Variants in CHRAC1 observed in about 807,000 individuals in gnomAD.
CHRAC1 encodes chromatin accessibility complex subunit 1.
Under a neutral mutation model 9.1 loss-of-function variants are expected in CHRAC1, and 6 were observed. That is an observed-to-expected ratio of 0.66 (90% CI 0.36 to 1.29). The LOEUF (loss-of-function observed/expected upper bound fraction) is 1.29. CHRAC1 is among the 50% of genes most tolerant of loss of function. CHRAC1 has a pLI of 0.03. For missense variants in CHRAC1, 168 were observed against 163.5 expected (o/e 1.03, Z -0.15); for synonymous variants, 73 against 64.5 (o/e 1.13, Z -0.63).
chr8:140,515,845 T>G lies in CHRAC1; in HGVS notation c.*598T>G, dbSNP rs1219488157. On this transcript the variant is annotated 3_prime_UTR_variant, in exon 3 of 3. Transcript: ENST00000220913. Reference sequence around the variant, plus strand: ...AGAGCCCTCTATGGCTTTAAGGCCTTGCTTACTGCCTGCAAATTTTGAGAA... The same window carrying G: ...AGAGCCCTCTATGGCTTTAAGGCCTGGCTTACTGCCTGCAAATTTTGAGAA... 1 of 152,244 alleles carries G rather than the reference T, an allele frequency of 6.6e-6. No individual in the cohort carries two copies. Among genetic ancestry groups the G allele is most frequent in the Non-Finnish European group, 1.5e-5 (1 of 68,044 alleles). 9.4% of individuals were successfully genotyped at this position (152,244 alleles called of 1,614,324 possible).
rs905739857 is a variant in CHRAC1, at chr8:140,511,369, C to T, written c.-131C>T. The T allele has an allele frequency of 7.7e-5, 62 of 807,160 alleles. No homozygotes were observed. Among genetic ancestry groups the T allele is most frequent in the Non-Finnish European group, 1.0e-4 (61 of 594,270 alleles). 50.0% of individuals were successfully genotyped at this position (807,160 alleles called of 1,614,324 possible). ...GGACGGGCCGCTCCCGGCCTCGCGG[C>T]CTCGCCTCCCCACACTACAACTCCC... On this transcript the variant is annotated 5_prime_UTR_variant, in exon 1 of 3. Coordinates refer to ENST00000220913, the MANE Select transcript of CHRAC1 (RefSeq NM_017444.6).
At chr8:140,511,796 G>A in intron 1 of CHRAC1, 150 bp downstream of exon 1, 1 of 864,436 alleles carries the variant, frequency 1.2e-6, no homozygotes, top group Non-Finnish European at 1.7e-6. Flanking sequence ...TCCCACGCCG[G>A]CGCGCGCTTC....
rs1024963085 is a variant in CHRAC1, at chr8:140,516,986, A to G, written c.*1739A>G. 6.6e-6 allele frequency: 1 copy of G among 152,222 alleles called. No individual in the cohort carries two copies. 9.4% of individuals were successfully genotyped at this position (152,222 alleles called of 1,614,324 possible). A position where few individuals can be genotyped will look rare whatever the true frequency, so the allele number is the denominator to read the frequency against. ...ACGAAAGCAGCCAGGTAATTACTAG[A>G]TGAAGGAATGCAGGTGGCTGTGTTT... On this transcript the variant is annotated 3_prime_UTR_variant, in exon 3 of 3. Coordinates refer to ENST00000220913, the MANE Select transcript of CHRAC1 (RefSeq NM_017444.6).
In CHRAC1 at chr8:140,511,595, C is replaced by G; in HGVS notation, c.96C>G (p.Pro32=). The change falls in exon 1 of 3, where the codon CCC becomes CCG. Residue 32 remains proline, a synonymous_variant. Coordinates refer to ENST00000220913, the MANE Select transcript of CHRAC1 (RefSeq NM_017444.6). ...SRIRVIMKSS[P]EVSSINQEAL... The stretch of plus-strand genomic sequence containing the variant: ...TCCGGGTCATCATGAAGAGCTCCCC[C>G]GAGGTGTCCAGCATCAACCAGGAGG... The G allele has an allele frequency of 6.7e-7, 1 of 1,490,000 alleles. No individual in the cohort carries two copies. Among genetic ancestry groups the G allele is most frequent in the Non-Finnish European group, 9.0e-7 (1 of 1,114,322 alleles). 92.3% of individuals were successfully genotyped at this position (1,490,000 alleles called of 1,614,324 possible).
intron 1 of CHRAC1, among the ~76,000 whole-genome samples, chr8:140,512,464 G>T (rs545821336): frequency 1.3e-5 from 2 of 152,340 alleles, no homozygotes; most frequent in East Asian, 3.9e-4. Flanking sequence ...ATCCTCCTGG[G>T]TGCAAAATAG....
At chr8:140,511,971 C>T (rs2072280841) in intron 1 of CHRAC1, 3 of 1,296,160 alleles carry the variant, frequency 2.3e-6, no homozygotes, top group Non-Finnish European at 3.0e-6. Flanking sequence ...CACCTTCGCC[C>T]CGCCCACCCC....
intron 1 of CHRAC1, chr8:140,511,926 C>T (rs897586091): frequency 4.9e-6 from 6 of 1,225,558 alleles, no homozygotes; most frequent in African/African-American, 3.1e-5. Context: ...CCTTTGTCGC[C>T]TTCCTTCGCT....
chr8:140,513,654 C>T (rs930724936), intron 1 of CHRAC1, among the ~76,000 whole-genome samples: 2 of 151,664 alleles, frequency 1.3e-5, no homozygotes, highest in African/African-American at 4.8e-5. Flanking sequence ...ACCGTGTTAG[C>T]CAGGATGGTC....
intron 1 of CHRAC1, among the ~76,000 whole-genome samples, chr8:140,512,345 T>C (rs2072287187): frequency 6.6e-6 from 1 of 152,212 alleles, no homozygotes; most frequent in Admixed American, 6.5e-5. Flanking sequence ...TCCGAGGCTT[T>C]CGAGCCCTCC....
In CHRAC1 at chr8:140,515,488, G is replaced by T; in HGVS notation, c.*241G>T. On this transcript the variant is annotated 3_prime_UTR_variant, in exon 3 of 3. Coordinates refer to ENST00000220913, the MANE Select transcript of CHRAC1 (RefSeq NM_017444.6). The stretch of plus-strand genomic sequence containing the variant: ...CCCTCCTCGACAGGCCCACCCTGCA[G>T]CTCAGGCACCAAGAAAACAGCCGAT... The T allele has an allele frequency of 3.2e-6, 1 of 311,420 alleles. No homozygotes were observed. The highest frequency in any genetic ancestry group is 1.0e-4 in the South Asian group (1 of 9,586). 19.3% of individuals were successfully genotyped at this position (311,420 alleles called of 1,614,324 possible). A position where few individuals can be genotyped will look rare whatever the true frequency, so the allele number is the denominator to read the frequency against.
chr8:140,513,474 C>T lies in CHRAC1; in HGVS notation c.148-895C>T, dbSNP rs964290494. ...TTTTTGAGACGGAGTCTCGCTCTGT[C>T]GCCCAGGCTGGAGTGCAGTGGCGCG... is the stretch of plus-strand genomic sequence containing the variant. On this transcript the variant is annotated intron_variant, in intron 1 of 2. Transcript: ENST00000220913. Among the ~76,000 whole-genome samples, 12 of 151,708 alleles carry T rather than the reference C, an allele frequency of 7.9e-5. No homozygotes were observed. The East Asian group carries it at 2.1e-3, about 27-fold the overall frequency.
Position 140,516,354 on chromosome 8 carries a change from G to T in CHRAC1, c.*1107G>T, listed in dbSNP as rs2072337384. On this transcript the variant is annotated 3_prime_UTR_variant, in exon 3 of 3. Transcript: ENST00000220913. ...AGTAGAGACGGGGTTCACCATGTTG[G>T]CCAGGCTTGTCTCAAACTCCTAACC... is the stretch of plus-strand genomic sequence containing the variant. 1 of 151,688 alleles carries T rather than the reference G, an allele frequency of 6.6e-6. No homozygotes were observed. Among genetic ancestry groups the T allele is most frequent in the Non-Finnish European group, 1.5e-5 (1 of 67,962 alleles). 9.4% of individuals were successfully genotyped at this position (151,688 alleles called of 1,614,324 possible).
At chr8:140,514,014 C>T (rs1397011069) in intron 1 of CHRAC1, among the ~76,000 whole-genome samples, 2 of 143,330 alleles carry the variant, frequency 1.4e-5, no homozygotes, top group South Asian at 2.2e-4. Context: ...TCAGGCGATT[C>T]GCCTGCCTCA....
At chr8:140,512,337 C>T (rs1481829395) in intron 1 of CHRAC1, among the ~76,000 whole-genome samples, 1 of 152,138 alleles carries the variant, frequency 6.6e-6, no homozygotes, top group African/African-American at 2.4e-5. Flanking sequence ...TCCAGCGGTC[C>T]GAGGCTTTCG....
chr8:140,513,575 A>G (rs1024920796), intron 1 of CHRAC1, among the ~76,000 whole-genome samples: 2 of 151,310 alleles, frequency 1.3e-5, no homozygotes, highest in African/African-American at 4.9e-5. Flanking sequence ...AGCTGGGACT[A>G]CAGCCGCCAC....
rs747880170 is a variant in CHRAC1 at position 140,514,496 on chromosome 8, G to A, written c.274+1G>A. The A allele has an allele frequency of 1.3e-6, 2 of 1,549,266 alleles. No individual in the cohort carries two copies. Among genetic ancestry groups the A allele is most frequent in the South Asian group, 2.5e-5 (2 of 79,508 alleles). On this transcript the variant is annotated splice_donor_variant, in intron 2 of 2. Coordinates refer to ENST00000220913, the MANE Select transcript of CHRAC1 (RefSeq NM_017444.6). LOFTEE classifies it high-confidence loss of function. ...TCAGAAACTTTTCAGTTTCTTGCAG[G>A]TACTTAGTCTTTGAAACATTCTGGT...
intron 1 of CHRAC1, 138 bp downstream of exon 1, chr8:140,511,784 C>G: frequency 1.1e-6 from 1 of 904,790 alleles, no homozygotes; most frequent in Non-Finnish European, 1.6e-6. Flanking sequence ...CCGCTGTCCC[C>G]GTCCCACGCC....
chr8:140,516,940 G>C lies in CHRAC1; in HGVS notation c.*1693G>C, dbSNP rs939371490. The C allele has an allele frequency of 6.6e-6, 1 of 152,120 alleles. No homozygotes were observed. The highest frequency in any genetic ancestry group is 1.5e-5 in the Non-Finnish European group (1 of 68,032). 9.4% of individuals were successfully genotyped at this position (152,120 alleles called of 1,614,324 possible). ...GGCTTTTATAGTCTCTGTTGCTGCT[G>C]CTGAACTCAGCTGTTGTAGCACGAA... On this transcript the variant is annotated 3_prime_UTR_variant, in exon 3 of 3. Coordinates refer to ENST00000220913, the MANE Select transcript of CHRAC1 (RefSeq NM_017444.6).
Position 140,515,175 on chromosome 8 carries a change from A to G in CHRAC1, c.324A>G (p.Lys108=), listed in dbSNP as rs2072320621. 2 of 1,613,044 alleles carry G rather than the reference A, an allele frequency of 1.2e-6. No individual in the cohort carries two copies. Residue 108 remains lysine, a synonymous_variant, in exon 3 of 3, where the codon AAA becomes AAG. Transcript: ENST00000220913. ...CTAGTAAATACCTGAAAATGCTTAA[A>G]GAGGAAAAGAGGGAAGAAGATGAGG... ...ILASKYLKML[K]EEKREEDEEN... is the part of the protein sequence containing the mutation.
Sources: allele counts gnomAD v4.1 joint callset (sites outside exome capture counted in the v4.1 genomes callset), GRCh38; gene constraint gnomAD v4.1.1; transcripts MANE v1.5; gene names NCBI Gene and HGNC (gene_info 2026-07-23, HGNC 2026-07-21).